Variants in PARD3B observed in about 807,000 individuals in gnomAD.
PARD3B encodes par-3 family cell polarity regulator beta.
A neutral mutation model predicts 130.2 loss-of-function variants in PARD3B; 103 were observed. The ratio of observed to expected loss-of-function variants is 0.79; its 90% CI spans 0.67 to 0.93. The LOEUF (loss-of-function observed/expected upper bound fraction) is 0.93. PARD3B is among the 40% of genes least tolerant of loss of function. The pLI is 0.00. For missense variants in PARD3B, 1,609 were observed against 1,499.2 expected, an observed-to-expected ratio of 1.07 and a Z score of -1.21; for synonymous variants, 583 against 553.2, an observed-to-expected ratio of 1.05 and a Z score of -0.76.
At chr2:205,035,895 G>A (rs1340547967) in intron 3 of PARD3B, among the ~76,000 whole-genome samples, 2 of 109,494 alleles carry the variant, frequency 1.8e-5, no homozygotes, top group Non-Finnish European at 1.8e-5. Context: ...TATATAATGG[G>A]CTATATATAT....
At chr2:205,087,344 C>A (rs1226304526) in intron 4 of PARD3B, among the ~76,000 whole-genome samples, 1 of 152,120 alleles carries the variant, frequency 6.6e-6, no homozygotes, top group Non-Finnish European at 1.5e-5. Context: ...ATGTACTTTC[C>A]ATAAATTAGC....
At chr2:204,937,144 T>C (rs1052939846) in intron 2 of PARD3B, among the ~76,000 whole-genome samples, 9 of 152,248 alleles carry the variant, frequency 5.9e-5, no homozygotes, top group African/African-American at 2.2e-4. Context: ...CCTCGGATGA[T>C]GCCAGGACCA....
chr2:204,880,692 G>T (rs1328686285), intron 2 of PARD3B, among the ~76,000 whole-genome samples: 1 of 147,802 alleles, frequency 6.8e-6, no homozygotes, highest in Non-Finnish European at 1.5e-5. Flanking sequence ...ATACAGCAGA[G>T]TATGCAGAAG....
At position 204,849,136 on chromosome 2, in the gene PARD3B, A is replaced by G. The variant is rs555203219; in HGVS notation, c.223-116016A>G. Reference sequence around the variant, plus strand: ...ATGTCACAAATTAGAAGAAGTGGCTATTGGAAAAAGACATCCACTGAGATT... The same window carrying G: ...ATGTCACAAATTAGAAGAAGTGGCTGTTGGAAAAAGACATCCACTGAGATT... On this transcript the variant is annotated intron_variant, in intron 2 of 22. Coordinates refer to ENST00000406610, the MANE Select transcript of PARD3B (RefSeq NM_001302769.2). Among the ~76,000 whole-genome samples the G allele has an allele frequency of 2.0e-4, 30 of 152,276 alleles. No homozygotes were observed. In the South Asian group the frequency reaches 5.8e-3, roughly 29 times the overall value.
At chr2:205,178,558 A>G (rs1361019252) in intron 13 of PARD3B, among the ~76,000 whole-genome samples, 1 of 152,256 alleles carries the variant, frequency 6.6e-6, no homozygotes, top group Admixed American at 6.5e-5. Context: ...AGTTTTCTGC[A>G]AAATAAAACA....
chr2:204,551,806 T>C (rs367864774), intron 1 of PARD3B, among the ~76,000 whole-genome samples: 2 of 152,308 alleles, frequency 1.3e-5, no homozygotes, highest in African/African-American at 4.8e-5. Context: ...AATGGTAATG[T>C]TGTCAGATTT....
At position 204,675,382 on chromosome 2, in the gene PARD3B, G is replaced by T. The variant is rs1346771937; in HGVS notation, c.121-10799G>T. 1.3e-5 allele frequency among the ~76,000 whole-genome samples: 2 copies of T among 151,636 alleles called. No homozygotes were observed. Among genetic ancestry groups the T allele is most frequent in the South Asian group, 2.1e-4 (1 of 4,814 alleles). The stretch of plus-strand genomic sequence containing the variant: ...GTTTAATTTTCCTGATATAACTTCA[G>T]TTTTGTGATTATACTGTATATAAAC... On this transcript the variant is annotated intron_variant, in intron 1 of 22. Transcript: ENST00000406610. The surrounding 1 kb of genome is among the most constrained non-coding windows in gnomAD (Gnocchi z 4.4).
At chr2:205,107,050 T>C (rs1434057441) in intron 5 of PARD3B, among the ~76,000 whole-genome samples, 1 of 152,200 alleles carries the variant, frequency 6.6e-6, no homozygotes, top group Non-Finnish European at 1.5e-5. Flanking sequence ...TGCATAGGAC[T>C]TTGGGCACGC....
At position 205,564,740 on chromosome 2, in the gene PARD3B, CG is replaced by C. The variant is rs1204796911; in HGVS notation, c.3260+11338del. 1.3e-5 allele frequency among the ~76,000 whole-genome samples: 2 copies of C among 152,180 alleles called. No homozygotes were observed. Among genetic ancestry groups the C allele is most frequent in the Admixed American group, 1.3e-4 (2 of 15,284 alleles). ...TGGATCTCATGTGACACAGGCCCCACGACCTCGATCATTCTGCCAAGAAACA... is the reference window on the plus strand; with the variant it reads ...TGGATCTCATGTGACACAGGCCCCACACCTCGATCATTCTGCCAAGAAACA... On this transcript the variant is annotated intron_variant, in intron 22 of 22. Coordinates refer to ENST00000406610, the MANE Select transcript of PARD3B (RefSeq NM_001302769.2). The surrounding 1 kb of genome is among the most constrained non-coding windows in gnomAD (Gnocchi z 4.6).
At chr2:205,436,933 G>A (rs2047537929) in intron 19 of PARD3B, among the ~76,000 whole-genome samples, 1 of 151,662 alleles carries the variant, frequency 6.6e-6, no homozygotes, top group Non-Finnish European at 1.5e-5. Flanking sequence ...TGGGAGACCT[G>A]CTCAGGGGAA....
chr2:204,545,827 C>G lies in PARD3B; in HGVS notation c.-173C>G. The stretch of plus-strand genomic sequence containing the variant: ...CCTCCCCGATTCCCGCCACCTGCCG[C>G]CTGGCCAGGTGGAAGGGGCGCTGCC... On this transcript the variant is annotated 5_prime_UTR_variant, in exon 1 of 23. Coordinates refer to ENST00000406610, the MANE Select transcript of PARD3B (RefSeq NM_001302769.2). 1 of 644,582 alleles carries G rather than the reference C, an allele frequency of 1.6e-6. No individual in the cohort carries two copies. The highest frequency in any genetic ancestry group is 2.3e-6 in the Non-Finnish European group (1 of 426,300). The allele number at this position is 644,582 out of a possible 1,614,324, so 39.9% of individuals were successfully genotyped here. A position where few individuals can be genotyped will look rare whatever the true frequency, so the allele number is the denominator to read the frequency against.
chr2:204,959,374 A>G (rs112982473), intron 2 of PARD3B, among the ~76,000 whole-genome samples: 5,796 of 152,228 alleles, frequency 0.038, 160 homozygotes, highest in Middle Eastern at 0.065. Flanking sequence ...TATCCAGTCT[A>G]TCATTGAAGG....
chr2:205,270,605 C>T (rs2040686847), intron 16 of PARD3B, among the ~76,000 whole-genome samples: 1 of 151,602 alleles, frequency 6.6e-6, no homozygotes, highest in Non-Finnish European at 1.5e-5. Flanking sequence ...GAAAGAACAC[C>T]CTACTATTGG....
intron 3 of PARD3B, among the ~76,000 whole-genome samples, chr2:205,033,970 T>A (rs1697611186): frequency 6.6e-6 from 1 of 152,166 alleles, no homozygotes; most frequent in Non-Finnish European, 1.5e-5. Flanking sequence ...TCATTTACCA[T>A]TAAGTTGCAA....
intron 10 of PARD3B, among the ~76,000 whole-genome samples, chr2:205,152,307 C>CA (rs1394576517): frequency 2.6e-5 from 4 of 152,072 alleles, no homozygotes; most frequent in African/African-American, 9.7e-5. Flanking sequence ...TGTTGGCCTG[C>CA]CTTGCTAGGT....
At chr2:205,307,601 C>A (rs1037592635) in intron 18 of PARD3B, among the ~76,000 whole-genome samples, 1 of 152,202 alleles carries the variant, frequency 6.6e-6, no homozygotes, top group Admixed American at 6.5e-5. Context: ...AAGCCCATTG[C>A]TGTCAGTCCT....
Position 205,103,104 on chromosome 2 carries a change from A to T in PARD3B, c.505-1322A>T, listed in dbSNP as rs566815406. Among the ~76,000 whole-genome samples, 204 of 147,626 alleles carry T rather than the reference A, an allele frequency of 1.4e-3. 3 individuals are homozygous for T. The highest frequency in any genetic ancestry group is 2.5e-3 in the Non-Finnish European group (168 of 66,764). ...TATATTTTTTTATTTTTTTATTTTT[A>T]TATTTATATTTTATATTTATGTAAA... On this transcript the variant is annotated intron_variant, in intron 4 of 22. Transcript: ENST00000406610.
At chr2:205,380,850 G>A (rs1574862701) in intron 18 of PARD3B, among the ~76,000 whole-genome samples, 2 of 88,602 alleles carry the variant, frequency 2.3e-5, no homozygotes, top group African/African-American at 4.7e-5. Context: ...ATAATATAAA[G>A]AATACATTAT....
chr2:204,840,487 G>A (rs903087712), intron 2 of PARD3B, among the ~76,000 whole-genome samples: 1 of 151,104 alleles, frequency 6.6e-6, no homozygotes, highest in African/African-American at 2.4e-5. Context: ...ACGAATACAT[G>A]AAAATAGATT....
Sources: gnomAD v4.1 joint callset for allele counts (sites outside exome capture counted in the v4.1 genomes callset) on GRCh38, gnomAD v4.1.1 for gene constraint, Gnocchi (gnomAD v3.1) non-coding constraint, MANE v1.5 for transcripts, NCBI Gene and HGNC (gene_info 2026-07-23, HGNC 2026-07-21) for gene names.